Variants in KCNK10 observed in about 807,000 individuals in gnomAD.
KCNK10 encodes the protein potassium two pore domain channel subfamily K member 10, also known as potassium channel subfamily K member 10.
A neutral mutation model predicts 47.7 loss-of-function variants in KCNK10; 25 were observed. The ratio of observed to expected loss-of-function variants is 0.52; its 90% CI spans 0.38 to 0.73. The LOEUF is 0.73. KCNK10 is among the 30% of genes least tolerant of loss of function. KCNK10 has a pLI of 0.00. For missense variants in KCNK10, 563 were observed against 714.5 expected (o/e 0.79, Z 2.42); for synonymous variants, 303 against 285.6 (o/e 1.06, Z -0.61).
intron 4 of KCNK10, among the ~76,000 whole-genome samples, chr14:88,206,548 C>A (rs1402430903): frequency 6.6e-6 from 1 of 152,184 alleles, no homozygotes; most frequent in South Asian, 2.1e-4. Context: ...TAGCTGGAAC[C>A]TTGCTGAGAG....
chr14:88,210,890 T>G lies in KCNK10; in HGVS notation c.681+16485A>C, dbSNP rs545742631. ...TGAGGAAGTGGAAAGACAGAATCCC[T>G]GGGCATTGTTGGTGGGAATGTGAAA... On this transcript the variant is annotated intron_variant, in intron 4 of 6. Coordinates refer to ENST00000319231, the MANE Select transcript of KCNK10 (RefSeq NM_138317.3). 2.8e-3 allele frequency among the ~76,000 whole-genome samples: 423 copies of G among 150,836 alleles called. 5 individuals are homozygous for G. Among genetic ancestry groups the G allele is most frequent in the African/African-American group, 9.6e-3 (394 of 41,102 alleles).
At chr14:88,213,371 C>T (rs181851070) in intron 4 of KCNK10, among the ~76,000 whole-genome samples, 1 of 152,198 alleles carries the variant, frequency 6.6e-6, no homozygotes, top group Admixed American at 6.5e-5. Flanking sequence ...CAGTGCATTC[C>T]AGAGGAACCA....
At chr14:88,207,965 C>T (rs954802146) in intron 4 of KCNK10, among the ~76,000 whole-genome samples, 4 of 152,158 alleles carry the variant, frequency 2.6e-5, no homozygotes, top group South Asian at 4.1e-4. Flanking sequence ...AAATATCACA[C>T]GCAAAAGTCT....
intron 1 of KCNK10, among the ~76,000 whole-genome samples, chr14:88,294,684 A>G (rs1013044913): frequency 7.9e-5 from 12 of 152,162 alleles, no homozygotes; most frequent in Non-Finnish European, 1.8e-4. Flanking sequence ...AAGGACCACA[A>G]GAGATTCTGG....
At chr14:88,244,340 A>G (rs1194201455) in intron 2 of KCNK10, among the ~76,000 whole-genome samples, 1 of 152,204 alleles carries the variant, frequency 6.6e-6, no homozygotes, top group Non-Finnish European at 1.5e-5. Context: ...TTTGAGCTCA[A>G]GTAAAACATT....
intron 3 of KCNK10, among the ~76,000 whole-genome samples, chr14:88,234,322 G>T (rs914282032): frequency 6.6e-6 from 1 of 152,220 alleles, no homozygotes; most frequent in African/African-American, 2.4e-5. Flanking sequence ...ATTTGCAAGT[G>T]TAAACCTAGC....
upstream of KCNK10, among the ~76,000 whole-genome samples, chr14:88,323,436 G>A (rs995343380): frequency 3.4e-5 from 5 of 148,228 alleles, no homozygotes; most frequent in African/African-American, 1.2e-4. Context: ...CCTCCCCGCG[G>A]CGCGCCCCAG....
chr14:88,197,877 AG>A (rs1884972576), intron 4 of KCNK10, among the ~76,000 whole-genome samples: 1 of 151,376 alleles, frequency 6.6e-6, no homozygotes, highest in African/African-American at 2.4e-5. Context: ...AGAGAGAGAG[AG>A]AGAGAGAGAG....
chr14:88,229,489 A>G (rs987061498), intron 3 of KCNK10, among the ~76,000 whole-genome samples: 1 of 152,118 alleles, frequency 6.6e-6, no homozygotes, highest in Non-Finnish European at 1.5e-5. Context: ...TATTATTATT[A>G]TTATTATCAC....
chr14:88,309,562 G>T (rs1052458215), intron 1 of KCNK10, among the ~76,000 whole-genome samples: 35 of 152,136 alleles, frequency 2.3e-4, no homozygotes, highest in African/African-American at 8.0e-4. Context: ...TGATTGCACC[G>T]CTGCACTCCA....
chr14:88,261,252 C>G (rs546623985), intron 2 of KCNK10, among the ~76,000 whole-genome samples: 6 of 152,144 alleles, frequency 3.9e-5, no homozygotes, highest in African/African-American at 7.2e-5. Context: ...CACTTCAGAA[C>G]GCCTATCAGG....
In KCNK10 at chr14:88,186,502, C is replaced by T. The variant is rs1884566463; in HGVS notation, c.1012-347G>A. Among the ~76,000 whole-genome samples, 1 of 152,184 alleles carries T rather than the reference C, an allele frequency of 6.6e-6. No homozygotes were observed. The highest frequency in any genetic ancestry group is 2.4e-5 in the African/African-American group (1 of 41,446). On this transcript the variant is annotated intron_variant, in intron 6 of 6. Coordinates refer to ENST00000319231, the MANE Select transcript of KCNK10 (RefSeq NM_138317.3). The surrounding 1 kb of genome is among the most constrained non-coding windows in gnomAD (Gnocchi z 5.5). Reference sequence around the variant, plus strand: ...GCTTCCAGCTCTCTCTTATCAATTGCATGGCCTCATTCCCCCAACATACAC... The same window carrying T: ...GCTTCCAGCTCTCTCTTATCAATTGTATGGCCTCATTCCCCCAACATACAC...
intron 3 of KCNK10, among the ~76,000 whole-genome samples, chr14:88,237,023 T>A (rs1382086570): frequency 6.6e-6 from 1 of 152,212 alleles, no homozygotes; most frequent in Non-Finnish European, 1.5e-5. Context: ...GCAATGCTGT[T>A]AGATAGCATT....
At chr14:88,233,761 G>C (rs895303860) in intron 3 of KCNK10, among the ~76,000 whole-genome samples, 1 of 152,172 alleles carries the variant, frequency 6.6e-6, no homozygotes, top group Middle Eastern at 3.2e-3. Context: ...AATAAACCAA[G>C]TTCCTGGATT....
At chr14:88,216,399 T>C (rs1045996276) in intron 4 of KCNK10, among the ~76,000 whole-genome samples, 3 of 152,148 alleles carry the variant, frequency 2.0e-5, no homozygotes, top group Non-Finnish European at 4.4e-5. Flanking sequence ...ACACATTTAG[T>C]AATGTCTGGA....
At chr14:88,231,121 AT>A (rs77568260) in intron 3 of KCNK10, among the ~76,000 whole-genome samples, 5 of 152,008 alleles carry the variant, frequency 3.3e-5, no homozygotes, top group East Asian at 3.9e-4. Flanking sequence ...CAAAAAAAAA[AT>A]TTTTTTAATT....
chr14:88,273,369 A>T (rs886764028), intron 1 of KCNK10, among the ~76,000 whole-genome samples: 1 of 152,200 alleles, frequency 6.6e-6, no homozygotes, highest in African/African-American at 2.4e-5. Context: ...TGACTTCAGT[A>T]CTATACCATA....
chr14:88,292,605 C>A (rs1462832397), intron 1 of KCNK10, among the ~76,000 whole-genome samples: 1 of 151,886 alleles, frequency 6.6e-6, no homozygotes, highest in Non-Finnish European at 1.5e-5. Flanking sequence ...CCCACCTCGG[C>A]CTCCCAGAGT....
intron 1 of KCNK10, among the ~76,000 whole-genome samples, chr14:88,319,197 AC>A (rs1462347988): frequency 2.0e-5 from 3 of 152,098 alleles, no homozygotes; most frequent in African/African-American, 7.2e-5. Flanking sequence ...TTTTACCTAC[AC>A]CTCTTGACAA....
Sources: allele counts gnomAD v4.1 joint callset (sites outside exome capture counted in the v4.1 genomes callset), GRCh38; gene constraint gnomAD v4.1.1; non-coding constraint Gnocchi (gnomAD v3.1); transcripts MANE v1.5; gene names NCBI Gene and HGNC (gene_info 2026-07-23, HGNC 2026-07-21).